The following UNC119 variants were observed in gnomAD, a reference collection of about 807,000 sequenced individuals.
UNC119 encodes protein unc-119 homolog A.
A neutral mutation model predicts 22.6 loss-of-function variants in UNC119; 15 were observed. The observed-to-expected ratio is 0.66, with a 90% confidence interval of 0.44 to 1.02. The LOEUF (loss-of-function observed/expected upper bound fraction) is 1.02, where lower values mean the gene tolerates loss of function less well. UNC119 is among the 50% of genes least tolerant of loss of function. The pLI is 0.00. For synonymous variants in UNC119, 138 were observed against 139.4 expected (o/e 0.99, Z 0.07); for missense variants, 322 against 336.0 (o/e 0.96, Z 0.33).
Position 28,547,250 on chromosome 17 carries a change from C to T in UNC119, c.*47G>A, listed in dbSNP as rs1170189411. On this transcript the variant is annotated 3_prime_UTR_variant, in exon 5 of 5. Coordinates refer to ENST00000335765, the MANE Select transcript of UNC119 (RefSeq NM_005148.4). ...GGGGTGAGCGTTGGGGAGGTCACAG[C>T]TCCCAGCCCAGAACTGGAGCCTCCT... The T allele has an allele frequency of 1.2e-6, 2 of 1,610,576 alleles. No individual in the cohort carries two copies. The highest frequency in any genetic ancestry group is 2.2e-5 in the East Asian group (1 of 44,782).
chr17:28,552,605 C>A lies in UNC119; in HGVS notation c.-48G>T. On this transcript the variant is annotated 5_prime_UTR_variant, in exon 1 of 5. Coordinates refer to ENST00000335765, the MANE Select transcript of UNC119 (RefSeq NM_005148.4). ...CCTGCTGCTGCCGCCGCTGCCTGCG[C>A]CGGCTGGAGCCGGGGGAAGTGGGAG... 6.9e-7 allele frequency: 1 copy of A among 1,452,226 alleles called. No individual in the cohort carries two copies. The highest frequency in any genetic ancestry group is 9.1e-7 in the Non-Finnish European group (1 of 1,102,412). 90.0% of individuals were successfully genotyped at this position (1,452,226 alleles called of 1,614,324 possible). A position where few individuals can be genotyped will look rare whatever the true frequency, so the allele number is the denominator to read the frequency against.
At chr17:28,548,836 C>G in intron 1 of UNC119, 131 bp from the exon 2 acceptor site, 4 of 687,704 alleles carry the variant, frequency 5.8e-6, no homozygotes, top group South Asian at 1.7e-5. Context: ...AGAGGGACCT[C>G]AGTCCCTGCC....
rs781446944 is a variant in UNC119 at position 28,547,801 on chromosome 17, G to C, written c.486C>G (p.Ile162Met). Reference protein sequence around the residue: ...GDKPVNNFRMIERHYFRNQLL... With the variant: ...GDKPVNNFRMMERHYFRNQLL... Reference sequence around the variant, plus strand: ...GCTGGTTGCGGAAGTAGTGCCTCTCGATCATGCGGAAGTTGTTGACAGGCT... The same window carrying C: ...GCTGGTTGCGGAAGTAGTGCCTCTCCATCATGCGGAAGTTGTTGACAGGCT... The change falls in exon 4 of 5, where the codon ATC becomes ATG. Residue 162 changes from isoleucine to methionine, a missense_variant. Transcript: ENST00000335765. 4 of 1,614,032 alleles carry C rather than the reference G, an allele frequency of 2.5e-6. No homozygotes were observed. Among genetic ancestry groups the C allele is most frequent in the African/African-American group, 2.7e-5 (2 of 74,890 alleles).
chr17:28,547,922 C>A (rs1046078658), intron 3 of UNC119, 73 bp from the exon 4 acceptor site: 2 of 1,612,706 alleles, frequency 1.2e-6, no homozygotes, highest in Non-Finnish European at 1.7e-6. Context: ...GGACAGGCCA[C>A]CCCTACGAGA....
Position 28,548,034 on chromosome 17 carries a change from C to A in UNC119, c.402G>T (p.Thr134=). 1.2e-6 allele frequency: 2 copies of A among 1,613,892 alleles called. No individual in the cohort carries two copies. Among genetic ancestry groups the A allele is most frequent in the Non-Finnish European group, 1.7e-6 (2 of 1,180,024 alleles). ...CCTGCCTCAGGCGGAGGAAGGCAGG[C>A]GTGAACTGGTAGCGGACAAAGCGCC... ...NAGRFVRYQF[T]PAFLRLRQVG... The change falls in exon 3 of 5, where the codon ACG becomes ACT. Residue 134 remains threonine, a synonymous_variant. Transcript: ENST00000335765.
chr17:28,551,987 T>C, intron 1 of UNC119: 1 of 463,486 alleles, frequency 2.2e-6, no homozygotes, highest in East Asian at 5.8e-5. Context: ...CTCTCTTCAT[T>C]AGTGCAGGGA....
chr17:28,547,872 G>A lies in UNC119; in HGVS notation c.438-23C>T, dbSNP rs376844875. 19 of 1,613,696 alleles carry A rather than the reference G, an allele frequency of 1.2e-5. No individual in the cohort carries two copies. In the African/African-American group the frequency reaches 2.4e-4, roughly 20 times the overall value. ...ACCCTGAGCAAGAAAAGGAGGCAGG[G>A]CTAAGTCTGTCCTTGAAGTCAACTA... On this transcript the variant is annotated intron_variant, in intron 3 of 4. Transcript: ENST00000335765.
intron 1 of UNC119, 134 bp downstream of exon 1, chr17:28,552,204 G>T: frequency 1.3e-6 from 1 of 789,410 alleles, no homozygotes. Context: ...GAGAGCAGGG[G>T]ACACAGGAGA....
Position 28,552,594 on chromosome 17 carries a change from C to T in UNC119, c.-37G>A, listed in dbSNP as rs1051741643. 3 of 1,474,464 alleles carry T rather than the reference C, an allele frequency of 2.0e-6. No homozygotes were observed. Among genetic ancestry groups the T allele is most frequent in the African/African-American group, 2.9e-5 (2 of 68,042 alleles). 91.3% of individuals were successfully genotyped at this position (1,474,464 alleles called of 1,614,324 possible). ...GCCGAGGCTCGCCTGCTGCTGCCGC[C>T]GCTGCCTGCGCCGGCTGGAGCCGGG... On this transcript the variant is annotated 5_prime_UTR_variant, in exon 1 of 5. Coordinates refer to ENST00000335765, the MANE Select transcript of UNC119 (RefSeq NM_005148.4).
At chr17:28,548,290 G>T (rs78216536) in intron 2 of UNC119, 189 bp from the exon 3 acceptor site, 3 of 638,648 alleles carry the variant, frequency 4.7e-6, no homozygotes, top group Non-Finnish European at 8.1e-6. Context: ...GTTCCCAATC[G>T]CCACTGTGCT....
At chr17:28,550,858 A>C (rs1036698189) in intron 1 of UNC119, 1 of 152,232 alleles carries the variant, frequency 6.6e-6, no homozygotes, top group African/African-American at 2.4e-5. Context: ...CTAGTTGCAA[A>C]ATAAACCCCC....
Position 28,547,981 on chromosome 17 carries a change from C to G in UNC119, c.437+18G>C, listed in dbSNP as rs1252123471. 1.9e-6 allele frequency: 3 copies of G among 1,613,848 alleles called. No homozygotes were observed. In the South Asian group the frequency reaches 3.3e-5, roughly 18 times the overall value. Reference sequence around the variant, plus strand: ...CCTCTCCCTCACCCCCACCACCACCCATAGCCCAGCGACTCACGTGGCTCC... The same window carrying G: ...CCTCTCCCTCACCCCCACCACCACCGATAGCCCAGCGACTCACGTGGCTCC... On this transcript the variant is annotated intron_variant, in intron 3 of 4. Coordinates refer to ENST00000335765, the MANE Select transcript of UNC119 (RefSeq NM_005148.4).
In UNC119 at chr17:28,547,342, C is replaced by A; in HGVS notation, c.678G>T (p.Leu226=). ...SDSFYFVDDR[L]VMHNKADYSY... is the part of the protein sequence containing the mutation. The stretch of plus-strand genomic sequence containing the variant: ...AATAGTCTGCTTTATTGTGCATCAC[C>A]AGCCGGTCATCCACGAAGTAGAAGC... The change falls in exon 5 of 5, where the codon CTG becomes CTT. Residue 226 remains leucine (L), a synonymous_variant. Transcript: ENST00000335765. The A allele has an allele frequency of 6.2e-7, 1 of 1,614,170 alleles. No homozygotes were observed. The highest frequency in any genetic ancestry group is 8.5e-7 in the Non-Finnish European group (1 of 1,180,010).
chr17:28,547,835 A>G lies in UNC119; in HGVS notation c.452T>C (p.Val151Ala), dbSNP rs201561039. ...GAAGTTGTTGACAGGCTTGTCTCCCACTGTGAACTCCACCCTGAGCAAGAA... is the reference window on the plus strand; with the variant it reads ...GAAGTTGTTGACAGGCTTGTCTCCCGCTGTGAACTCCACCCTGAGCAAGAA... ...RQVGATVEFT[V>A]GDKPVNNFRM... Residue 151 changes from valine to alanine, a missense_variant, in exon 4 of 5, where the codon GTG becomes GCG. Coordinates refer to ENST00000335765, the MANE Select transcript of UNC119 (RefSeq NM_005148.4). The G allele has an allele frequency of 1.5e-5, 25 of 1,614,134 alleles. No individual in the cohort carries two copies. The highest frequency in any genetic ancestry group is 6.7e-5 in the East Asian group (3 of 44,874).
At chr17:28,552,273 C>A in intron 1 of UNC119, 65 bp downstream of exon 1, 1 of 1,449,912 alleles carries the variant, frequency 6.9e-7, no homozygotes, top group East Asian at 2.5e-5. Flanking sequence ...CTTGGCGCGC[C>A]GGGAGGGCCC....
At position 28,547,836 on chromosome 17, in the gene UNC119, C is replaced by T. The variant is rs760190422; in HGVS notation, c.451G>A (p.Val151Met). 1 of 1,614,200 alleles carries T rather than the reference C, an allele frequency of 6.2e-7. No homozygotes were observed. The highest frequency in any genetic ancestry group is 1.6e-4 in the Middle Eastern group (1 of 6,062). ...AAGTTGTTGACAGGCTTGTCTCCCACTGTGAACTCCACCCTGAGCAAGAAA... is the reference window on the plus strand; with the variant it reads ...AAGTTGTTGACAGGCTTGTCTCCCATTGTGAACTCCACCCTGAGCAAGAAA... ...RQVGATVEFT[V>M]GDKPVNNFRM... Residue 151 changes from valine (V) to methionine (M), a missense_variant, in exon 4 of 5, where the codon GTG becomes ATG. Val to Met is a conservative substitution (Grantham distance 21). Coordinates refer to ENST00000335765, the MANE Select transcript of UNC119 (RefSeq NM_005148.4).
chr17:28,551,670 A>G (rs1001659985), intron 1 of UNC119: 2 of 153,622 alleles, frequency 1.3e-5, no homozygotes, highest in Non-Finnish European at 2.9e-5. Flanking sequence ...CAGGCAGTCC[A>G]GCTCAGAAAC....
rs1286595718 is a variant in UNC119 at position 28,552,301 on chromosome 17, T to C, written c.220+37A>G. ...GAGGGCCCCTCGCACCCTCTCCCCT[T>C]CCCACCCGCGGGCGGCGCTCCCTCG... On this transcript the variant is annotated intron_variant, in intron 1 of 4. Transcript: ENST00000335765. 5 of 1,525,770 alleles carry C rather than the reference T, an allele frequency of 3.3e-6. No homozygotes were observed. The African/African-American group carries it at 6.9e-5, about 21-fold the overall frequency. The allele number at this position is 1,525,770 out of a possible 1,614,324, so 94.5% of individuals were successfully genotyped here. A position where few individuals can be genotyped will look rare whatever the true frequency, so the allele number is the denominator to read the frequency against.
chr17:28,548,198 A>C, intron 2 of UNC119, 97 bp from the exon 3 acceptor site: 3 of 1,265,894 alleles, frequency 2.4e-6, no homozygotes, highest in Non-Finnish European at 3.3e-6. Flanking sequence ...GATTTTTTTT[A>C]AACTCCCCAA....
Sources: allele counts gnomAD v4.1 joint callset, GRCh38; gene constraint gnomAD v4.1.1; transcripts MANE v1.5; gene names NCBI Gene and HGNC (gene_info 2026-07-23, HGNC 2026-07-21).